Variants in ACTR3C observed in about 807,000 individuals in gnomAD.
ACTR3C encodes the protein actin-related protein 3C.
A neutral mutation model predicts 26.3 loss-of-function variants in ACTR3C; 18 were observed. The ratio of observed to expected loss-of-function variants is 0.68; its 90% CI spans 0.47 to 1.01. The LOEUF (loss-of-function observed/expected upper bound fraction) is 1.01. Among genes scored for constraint, ACTR3C ranks in the 50% least tolerant of loss-of-function variants. ACTR3C has a pLI of 0.00. For missense variants in ACTR3C, 184 were observed against 250.7 expected (o/e 0.73, Z 1.80); for synonymous variants, 55 against 94.5 (o/e 0.58, Z 2.42).
chr7:149,972,171 G>A, the ACTR3C span, among the ~76,000 whole-genome samples: 1 of 152,122 alleles, frequency 6.6e-6, no homozygotes, highest in Non-Finnish European at 1.5e-5. Flanking sequence ...CCATCCTCCC[G>A]CCCTTCCCTG....
chr7:150,065,659 C>T, the ACTR3C span, among the ~76,000 whole-genome samples: 71 of 151,748 alleles, frequency 4.7e-4, no homozygotes, highest in African/African-American at 1.6e-3. Context: ...GGGGAGAATG[C>T]TCTATCAGGA....
At chr7:150,216,016 A>G in the ACTR3C span, among the ~76,000 whole-genome samples, 2 of 151,892 alleles carry the variant, frequency 1.3e-5, no homozygotes. Flanking sequence ...AAGATTCAAG[A>G]TGCTTAGTGA....
chr7:150,111,490 ACACAAATCTTACTC>A, the ACTR3C span, among the ~76,000 whole-genome samples: 1 of 86,964 alleles, frequency 1.1e-5, no homozygotes, highest in Non-Finnish European at 2.2e-5. Context: ...ACACTCACTC[ACACAAATCTTACTC>A]CCCACACTCA....
chr7:150,319,459 G>A (rs1432811249), intron 1 of ACTR3C, among the ~76,000 whole-genome samples: 3 of 152,054 alleles, frequency 2.0e-5, no homozygotes, highest in Non-Finnish European at 4.4e-5. Context: ...TGCCTGCCTC[G>A]GCCTCCCAAA....
chr7:150,115,662 G>A, the ACTR3C span, among the ~76,000 whole-genome samples: 1 of 152,180 alleles, frequency 6.6e-6, no homozygotes, highest in Non-Finnish European at 1.5e-5. Context: ...TTGAAACATG[G>A]ACCTCCACTC....
chr7:150,319,434 T>C (rs73170174), intron 1 of ACTR3C, among the ~76,000 whole-genome samples: 38,682 of 152,108 alleles, frequency 0.25, 5,136 homozygotes, highest in East Asian at 0.42. Flanking sequence ...CTTGAACTCC[T>C]GACCTCAGGT....
At chr7:150,057,806 T>C in the ACTR3C span, among the ~76,000 whole-genome samples, 33 of 152,346 alleles carry the variant, frequency 2.2e-4, no homozygotes, top group African/African-American at 6.7e-4. Context: ...ACTCTTGGTT[T>C]CTACCCTGAT....
At chr7:150,121,052 ACT>A in the ACTR3C span, among the ~76,000 whole-genome samples, 3 of 152,088 alleles carry the variant, frequency 2.0e-5, no homozygotes, top group Non-Finnish European at 2.9e-5. Context: ...TGCTAAAAAC[ACT>A]CAATAAACTA....
the ACTR3C span, among the ~76,000 whole-genome samples, chr7:150,089,672 C>T: frequency 3.9e-5 from 6 of 152,202 alleles, no homozygotes. Context: ...TGCTGCCACG[C>T]CCAGATGAAT....
chr7:150,250,221 T>TTTTTTTTTTTTG (rs1832740650), intron 6 of ACTR3C, among the ~76,000 whole-genome samples: 2 of 146,446 alleles, frequency 1.4e-5, no homozygotes, highest in African/African-American at 5.4e-5. Flanking sequence ...TTTTTTTTTT[T>TTTTTTTTTTTTG]GAGACGGAGT....
At chr7:150,010,031 C>G in the ACTR3C span, among the ~76,000 whole-genome samples, 2 of 152,250 alleles carry the variant, frequency 1.3e-5, no homozygotes, top group African/African-American at 4.8e-5. Context: ...CTGTGCCATA[C>G]TCTGCAAAGT....
chr7:149,912,388 A>G, the ACTR3C span, among the ~76,000 whole-genome samples: 1 of 151,958 alleles, frequency 6.6e-6, no homozygotes, highest in Non-Finnish European at 1.5e-5. Context: ...ATTCTTTTAG[A>G]CAGTATAGTC....
the ACTR3C span, among the ~76,000 whole-genome samples, chr7:149,968,729 T>C: frequency 6.6e-6 from 1 of 152,038 alleles, no homozygotes; most frequent in African/African-American, 2.4e-5. Context: ...ATAGCCATAG[T>C]CCACAGGGCT....
chr7:150,162,517 A>G, the ACTR3C span, among the ~76,000 whole-genome samples: 297 of 152,096 alleles, frequency 2.0e-3, 2 homozygotes, highest in Middle Eastern at 3.4e-3. Flanking sequence ...GGATTTCACC[A>G]TGTTGGCCAG....
At chr7:149,955,449 C>CA in the ACTR3C span, among the ~76,000 whole-genome samples, 1 of 152,230 alleles carries the variant, frequency 6.6e-6, no homozygotes, top group East Asian at 1.9e-4. Context: ...TAGCAGTAAA[C>CA]AAGACAGAAC....
chr7:150,038,403 G>A, the ACTR3C span, among the ~76,000 whole-genome samples: 4 of 142,802 alleles, frequency 2.8e-5, 1 homozygote, highest in Non-Finnish European at 4.6e-5. Context: ...GCTGCCAGAA[G>A]ATTTTCTTGT....
At chr7:150,037,040 G>A in the ACTR3C span, among the ~76,000 whole-genome samples, 1 of 108,346 alleles carries the variant, frequency 9.2e-6, no homozygotes, top group Non-Finnish European at 2.1e-5. Context: ...CGGAAGAGGG[G>A]ATAGCTCTCA....
intron 5 of ACTR3C, 101 bp downstream of exon 5, chr7:150,286,266 C>T: frequency 7.2e-7 from 1 of 1,395,488 alleles, no homozygotes; most frequent in Non-Finnish European, 9.7e-7. Context: ...ATGACGGCCA[C>T]CCTGCTCACA....
At chr7:150,135,197 A>G in the ACTR3C span, among the ~76,000 whole-genome samples, 1 of 152,246 alleles carries the variant, frequency 6.6e-6, no homozygotes, top group South Asian at 2.1e-4. Context: ...GCGTGAACCC[A>G]GGAGGTGGAG....
Sources: gnomAD v4.1 joint callset for allele counts (sites outside exome capture counted in the v4.1 genomes callset) on GRCh38, gnomAD v4.1.1 for gene constraint, MANE v1.5 for transcripts, NCBI Gene and HGNC (gene_info 2026-07-23, HGNC 2026-07-21) for gene names.